Variants in PHLDB2 observed in about 807,000 individuals in gnomAD.
The protein encoded by PHLDB2 is pleckstrin homology like domain family B member 2.
A neutral mutation model predicts 123.6 loss-of-function variants in PHLDB2; 71 were observed. The ratio of observed to expected loss-of-function variants is 0.57; its 90% confidence interval spans 0.47 to 0.70. The LOEUF (loss-of-function observed/expected upper bound fraction) is 0.70, where lower values mean the gene tolerates loss of function less well. Among genes scored for constraint, PHLDB2 ranks in the 30% least tolerant of loss-of-function variants. The probability of loss-of-function intolerance (pLI) is 0.00; values close to 1 mark genes in which losing one functional copy is unlikely to be tolerated. For missense variants in PHLDB2, 1,446 were observed against 1,519.5 expected, an observed-to-expected ratio of 0.95 and a Z score of 0.80; for synonymous variants, 547 against 541.6, an observed-to-expected ratio of 1.01 and a Z score of -0.14.
Position 111,974,703 on chromosome 3 carries a change from CAAGTT to C in PHLDB2, c.*142_*146del, listed in dbSNP as rs919450303. The C allele has an allele frequency of 7.7e-5, 65 of 840,844 alleles. No individual in the cohort carries two copies. In the African/African-American group the frequency reaches 1.1e-3, roughly 14 times the overall value. The allele number at this position is 840,844 out of a possible 1,614,324, so 52.1% of individuals were successfully genotyped here. On this transcript the variant is annotated 3_prime_UTR_variant, in exon 18 of 18. Transcript: ENST00000431670. ...ACTCAGAACTCCTTTCATATCAAGA[CAAGTT>C]ATTTGTAAAAAATAAAGAAGGGGTT...
At chr3:111,771,985 T>A (rs1293713875) in intron 1 of PHLDB2, among the ~76,000 whole-genome samples, 2 of 152,222 alleles carry the variant, frequency 1.3e-5, no homozygotes, top group Non-Finnish European at 2.9e-5. Flanking sequence ...AAAGTTCAAT[T>A]TTTTCTTGTT....
intron 1 of PHLDB2, among the ~76,000 whole-genome samples, chr3:111,870,445 A>G (rs2065283519): frequency 6.6e-6 from 1 of 152,146 alleles, no homozygotes; most frequent in Admixed American, 6.5e-5. Context: ...AGAACAGAGG[A>G]TGAGGAAAAT....
chr3:111,909,048 C>T (rs2067718679), intron 2 of PHLDB2, among the ~76,000 whole-genome samples: 1 of 152,168 alleles, frequency 6.6e-6, no homozygotes, highest in Non-Finnish European at 1.5e-5. Flanking sequence ...TAGCCACATA[C>T]TAGTTGCTGA....
intron 1 of PHLDB2, among the ~76,000 whole-genome samples, chr3:111,828,936 GGT>G (rs1484150295): frequency 6.6e-6 from 1 of 152,148 alleles, no homozygotes; most frequent in Admixed American, 6.5e-5. Context: ...GTGGTCCTCT[GGT>G]ATTAGCCAAC....
intron 1 of PHLDB2, among the ~76,000 whole-genome samples, chr3:111,831,033 GGAAGGAAGGAAGA>G (rs1559855390): frequency 9.7e-4 from 54 of 55,910 alleles, no homozygotes; most frequent in African/African-American, 3.4e-3. Context: ...AAGAAAGAAA[GGAAGGAAGGAAGA>G]AAGAGAAAAG....
chr3:111,780,361 G>C (rs960452850), intron 1 of PHLDB2, among the ~76,000 whole-genome samples: 5 of 32,444 alleles, frequency 1.5e-4, no homozygotes, highest in Non-Finnish European at 2.0e-4. Context: ...AGAAGAAGAA[G>C]AAGAAGAAGA....
chr3:111,774,763 G>A (rs1256428912), intron 1 of PHLDB2, among the ~76,000 whole-genome samples: 1 of 152,102 alleles, frequency 6.6e-6, no homozygotes, highest in Non-Finnish European at 1.5e-5. Context: ...TTAAACAGAG[G>A]GTTGCCAAAC....
At chr3:111,752,381 C>G (rs2059795763) in intron 1 of PHLDB2, among the ~76,000 whole-genome samples, 1 of 152,074 alleles carries the variant, frequency 6.6e-6, no homozygotes, top group Non-Finnish European at 1.5e-5. Flanking sequence ...CCCTTAATAA[C>G]AAGTTGATTT....
intron 1 of PHLDB2, among the ~76,000 whole-genome samples, chr3:111,780,597 G>C (rs1454502982): frequency 1.3e-5 from 2 of 151,840 alleles, no homozygotes; most frequent in Non-Finnish European, 2.9e-5. Flanking sequence ...TTCCATTATA[G>C]CGACAGAAAC....
intron 2 of PHLDB2, among the ~76,000 whole-genome samples, chr3:111,901,180 A>G (rs546336470): frequency 1.3e-5 from 2 of 151,538 alleles, no homozygotes; most frequent in East Asian, 3.9e-4. Flanking sequence ...TAACACGGTG[A>G]AACCCCATCT....
intron 1 of PHLDB2, among the ~76,000 whole-genome samples, chr3:111,878,405 A>G (rs1476693512): frequency 6.6e-6 from 1 of 152,216 alleles, no homozygotes; most frequent in Non-Finnish European, 1.5e-5. Context: ...TTGATTCTGT[A>G]TCCTGAGACT....
intron 1 of PHLDB2, among the ~76,000 whole-genome samples, chr3:111,756,962 T>A (rs2059901677): frequency 6.6e-6 from 1 of 152,230 alleles, no homozygotes; most frequent in Non-Finnish European, 1.5e-5. Flanking sequence ...TCTTTAAGAA[T>A]GTTGAATATT....
In PHLDB2 at chr3:111,913,707, T is replaced by A. The variant is rs1468453820; in HGVS notation, c.1719+5T>A. ...TATCTAAGTATCCTACCAAAGGTAATGTTGGCCCAGCAAAGATACTAGGAT... is the reference window on the plus strand; with the variant it reads ...TATCTAAGTATCCTACCAAAGGTAAAGTTGGCCCAGCAAAGATACTAGGAT... On this transcript the variant is annotated splice_donor_5th_base_variant and intron_variant, in intron 3 of 17. Coordinates refer to ENST00000431670, the MANE Select transcript of PHLDB2 (RefSeq NM_001134438.2). The A allele has an allele frequency of 6.2e-7, 1 of 1,606,802 alleles. No homozygotes were observed. The highest frequency in any genetic ancestry group is 1.7e-5 in the Admixed American group (1 of 59,816).
intron 1 of PHLDB2, among the ~76,000 whole-genome samples, chr3:111,740,163 G>A (rs1394486252): frequency 6.6e-6 from 1 of 152,014 alleles, no homozygotes; most frequent in African/African-American, 2.4e-5. Context: ...TGGCTCACAC[G>A]GGTTTACCTT....
At chr3:111,961,879 T>A in intron 12 of PHLDB2, 1 of 513,642 alleles carries the variant, frequency 1.9e-6, no homozygotes, top group Middle Eastern at 4.9e-4. Context: ...TAGGAAAGTG[T>A]CAAGTGATCC....
At chr3:111,914,854 A>G (rs1028199518) in intron 3 of PHLDB2, 1 of 151,994 alleles carries the variant, frequency 6.6e-6, no homozygotes, top group African/African-American at 2.4e-5. Flanking sequence ...TTAAGGAAAA[A>G]TCTTTTAAAT....
At chr3:111,854,258 C>T (rs902881001) in intron 2 of PHLDB2, among the ~76,000 whole-genome samples, 1 of 152,192 alleles carries the variant, frequency 6.6e-6, no homozygotes, top group Non-Finnish European at 1.5e-5. Context: ...CCTGGTCCCA[C>T]CCTTGACACT....
In PHLDB2 at chr3:111,975,900, T is replaced by C. The variant is rs1043843253; in HGVS notation, c.*1337T>C. The C allele has an allele frequency of 4.6e-5, 7 of 152,680 alleles. No homozygotes were observed. The highest frequency in any genetic ancestry group is 7.3e-5 in the Non-Finnish European group (5 of 68,040). The allele number at this position is 152,680 out of a possible 1,614,324, so 9.5% of individuals were successfully genotyped here. On this transcript the variant is annotated 3_prime_UTR_variant, in exon 18 of 18. Coordinates refer to ENST00000431670, the MANE Select transcript of PHLDB2 (RefSeq NM_001134438.2). ...ACTTTGTCAGCCTGACTGGGTACAA[T>C]TCTTTTGTTAATTTGCAGTGTGGTT...
Position 111,844,648 on chromosome 3 carries a change from G to T in PHLDB2, c.-48-1173G>T, listed in dbSNP as rs138307881. ...CTACCTCCAATTCTGCCACCATTAA[G>T]GTTCATTCTCCTTAATATACCAAGA... is the stretch of plus-strand genomic sequence containing the variant. On this transcript the variant is annotated intron_variant, in intron 1 of 17. Transcript: ENST00000393923. Among the ~76,000 whole-genome samples the T allele has an allele frequency of 1.3e-4, 20 of 152,238 alleles. No individual in the cohort carries two copies. In the East Asian group the frequency reaches 3.7e-3, roughly 28 times the overall value.
Sources: allele counts gnomAD v4.1 joint callset (sites outside exome capture counted in the v4.1 genomes callset), GRCh38; gene constraint gnomAD v4.1.1; transcripts MANE v1.5; gene names NCBI Gene and HGNC (gene_info 2026-07-23, HGNC 2026-07-21).